The following MARK2 variants were observed in gnomAD, a reference collection of about 807,000 sequenced individuals.
The protein encoded by MARK2 is microtubule affinity regulating kinase 2.
In MARK2, 16 loss-of-function variants were observed where a neutral mutation model predicts 89.8. The observed-to-expected ratio is 0.18, with a 90% CI of 0.12 to 0.27. MARK2 has a LOEUF of 0.27. Among genes scored for constraint, MARK2 ranks in the 10% least tolerant of loss-of-function variants. The pLI is 1.00. For synonymous variants in MARK2, 382 were observed against 399.5 expected (o/e 0.96, Z 0.52); for missense variants, 621 against 1,049.9 (o/e 0.59, Z 5.65).
chr11:63,895,266 G>C lies in MARK2; in HGVS notation c.162G>C (p.Arg54=). 4 of 1,614,120 alleles carry C rather than the reference G, an allele frequency of 2.5e-6. No individual in the cohort carries two copies. Among genetic ancestry groups the C allele is most frequent in the Middle Eastern group, 1.6e-4 (1 of 6,062 alleles). The change falls in exon 2 of 19, where the codon CGG becomes CGC. Residue 54 remains arginine, a synonymous_variant. Coordinates refer to ENST00000402010, the MANE Select transcript of MARK2 (RefSeq NM_001039469.3). The stretch of plus-strand genomic sequence containing the variant: ...AGCAGCCCCACATTGGAAACTACCG[G>C]CTCCTCAAGACCATTGGCAAGGGTA... ...ADEQPHIGNY[R]LLKTIGKGNF... is the part of the protein sequence containing the mutation.
chr11:63,868,938 C>G (rs781425136), intron 1 of MARK2: 17 of 453,920 alleles, frequency 3.7e-5, no homozygotes, highest in South Asian at 2.6e-4. Flanking sequence ...CTTTGAGCAT[C>G]TCAGAGCAGA....
At chr11:63,888,781 C>T in intron 1 of MARK2, 20 of 1,247,292 alleles carry the variant, frequency 1.6e-5, no homozygotes, top group Non-Finnish European at 2.0e-5. Context: ...CTACTTTTCA[C>T]TGAGGAGGTG....
chr11:63,902,076 T>TG lies in MARK2; in HGVS notation c.1102-121dup. ...GGGATGTATTGGTCTTACAAGTGGA[T>TG]GTCCGGTATGATCCTGGGGTGTTTG... On this transcript the variant is annotated intron_variant, in intron 11 of 18. Transcript: ENST00000402010. The surrounding 1 kb of genome is among the most constrained non-coding windows in gnomAD (Gnocchi z 4.2). 9.7e-7 allele frequency: 1 copy of TG among 1,034,900 alleles called. No homozygotes were observed. The highest frequency in any genetic ancestry group is 1.4e-6 in the Non-Finnish European group (1 of 710,018). The allele number at this position is 1,034,900 out of a possible 1,614,324, so 64.1% of individuals were successfully genotyped here.
intron 1 of MARK2, among the ~76,000 whole-genome samples, chr11:63,853,760 C>T (rs189050420): frequency 0.014 from 2,176 of 152,300 alleles, 29 homozygotes; most frequent in Middle Eastern, 0.031. Flanking sequence ...TTTCCCACCA[C>T]AAACTTGTGG....
At position 63,902,960 on chromosome 11, in the gene MARK2, G is replaced by A; in HGVS notation, c.1417-101G>A. ...CCTTAACCTACCACTGTCTGCTTCA[G>A]GTGGAAGGGACAGGAAGCCTGTTCC... On this transcript the variant is annotated intron_variant, in intron 13 of 18. Transcript: ENST00000402010. This position sits in a 1 kb window ranked among gnomAD's most constrained non-coding sequence, Gnocchi z 4.2. The A allele has an allele frequency of 8.7e-7, 1 of 1,151,826 alleles. No homozygotes were observed. Among genetic ancestry groups the A allele is most frequent in the Non-Finnish European group, 1.3e-6 (1 of 768,208 alleles). The allele number at this position is 1,151,826 out of a possible 1,614,324, so 71.4% of individuals were successfully genotyped here. A position where few individuals can be genotyped will look rare whatever the true frequency, so the allele number is the denominator to read the frequency against.
rs2135179394 is a variant in MARK2 at position 63,839,376 on chromosome 11, C to G, written c.-131C>G. 3.4e-6 allele frequency: 2 copies of G among 580,306 alleles called. No individual in the cohort carries two copies. Among genetic ancestry groups the G allele is most frequent in the African/African-American group, 2.0e-5 (1 of 49,932 alleles). The allele number at this position is 580,306 out of a possible 1,614,324, so 35.9% of individuals were successfully genotyped here. ...CTGGCGTGAGCGGCTGCCCGGCCTC[C>G]CCGCACCCCCGGCCGGGGCCCATGC... On this transcript the variant is annotated 5_prime_UTR_variant, in exon 1 of 19. Coordinates refer to ENST00000402010, the MANE Select transcript of MARK2 (RefSeq NM_001039469.3).
At chr11:63,885,714 A>G (rs1939353963) in intron 1 of MARK2, among the ~76,000 whole-genome samples, 1 of 151,994 alleles carries the variant, frequency 6.6e-6, no homozygotes, top group Non-Finnish European at 1.5e-5. Flanking sequence ...CGCACCTGTA[A>G]TCCCAGCTAT....
chr11:63,865,620 A>G (rs1938087578), intron 1 of MARK2, among the ~76,000 whole-genome samples: 1 of 152,208 alleles, frequency 6.6e-6, no homozygotes, highest in Non-Finnish European at 1.5e-5. Flanking sequence ...ATAATGGGTT[A>G]GGTCCATAGG....
intron 1 of MARK2, among the ~76,000 whole-genome samples, chr11:63,882,928 G>A (rs1939182865): frequency 6.6e-6 from 1 of 152,198 alleles, no homozygotes; most frequent in Non-Finnish European, 1.5e-5. Context: ...TCTGTAAAGT[G>A]AGCCAGACCT....
intron 7 of MARK2, 36 bp from the exon 8 acceptor site, chr11:63,899,838 A>C (rs752177202): frequency 1.4e-6 from 2 of 1,434,328 alleles, no homozygotes; most frequent in Admixed American, 3.3e-5. Context: ...AGTCTGGTCC[A>C]CTTGGTTCCC....
At position 63,900,423 on chromosome 11, in the gene MARK2, C is replaced by T; in HGVS notation, c.769-136C>T. The stretch of plus-strand genomic sequence containing the variant: ...TTGCCTCTCTGGTGAGGTGTCTTGT[C>T]CCCAGGCTGTCTGCCTTCTTCCATA... On this transcript the variant is annotated intron_variant, in intron 8 of 18. Transcript: ENST00000402010. The surrounding 1 kb of genome is among the most constrained non-coding windows in gnomAD (Gnocchi z 4.7). 1 of 1,073,846 alleles carries T rather than the reference C, an allele frequency of 9.3e-7. No homozygotes were observed. Among genetic ancestry groups the T allele is most frequent in the Non-Finnish European group, 1.4e-6 (1 of 733,602 alleles). 66.5% of individuals were successfully genotyped at this position (1,073,846 alleles called of 1,614,324 possible). A position where few individuals can be genotyped will look rare whatever the true frequency, so the allele number is the denominator to read the frequency against.
At chr11:63,883,303 A>G (rs1939208907) in intron 1 of MARK2, among the ~76,000 whole-genome samples, 1 of 152,128 alleles carries the variant, frequency 6.6e-6, no homozygotes, top group South Asian at 2.1e-4. Context: ...GGATGGTTTT[A>G]TGTTAGGAAA....
In MARK2 at chr11:63,895,560, C is replaced by A; in HGVS notation, c.235-20C>A. The stretch of plus-strand genomic sequence containing the variant: ...CGCTGGTCAGAGAAGTGATTTGGGG[C>A]CTTTTTGTCTCATCCTCAGGTAGCT... On this transcript the variant is annotated intron_variant, in intron 2 of 18. Transcript: ENST00000402010. The A allele has an allele frequency of 6.2e-7, 1 of 1,611,102 alleles. No homozygotes were observed. The highest frequency in any genetic ancestry group is 8.5e-7 in the Non-Finnish European group (1 of 1,177,700).
intron 1 of MARK2, among the ~76,000 whole-genome samples, chr11:63,887,519 A>G (rs1939474603): frequency 6.6e-6 from 1 of 152,226 alleles, no homozygotes; most frequent in Non-Finnish European, 1.5e-5. Context: ...CCTGAGTAGC[A>G]TGGTCTTGCA....
intron 1 of MARK2, among the ~76,000 whole-genome samples, chr11:63,867,636 G>C (rs994847564): frequency 2.0e-5 from 3 of 152,174 alleles, no homozygotes; most frequent in Admixed American, 2.0e-4. Flanking sequence ...TTTGTGTACT[G>C]GGCCTGTCTC....
At position 63,895,172 on chromosome 11, in the gene MARK2, A is replaced by G. The variant is rs1246150634; in HGVS notation, c.68A>G (p.His23Arg). 5 of 1,613,064 alleles carry G rather than the reference A, an allele frequency of 3.1e-6. No homozygotes were observed. Among genetic ancestry groups the G allele is most frequent in the Non-Finnish European group, 4.2e-6 (5 of 1,179,256 alleles). Residue 23 changes from histidine (H) to arginine (R), a missense_variant, in exon 2 of 19, where the codon CAC becomes CGC. This residue lies in a region of MARK2 where 60 missense variants were observed against 73.2 expected (regional missense o/e 0.82). Coordinates refer to ENST00000402010, the MANE Select transcript of MARK2 (RefSeq NM_001039469.3). ...TCCACCCCGCAGCCCACCTTGGGACACCTTGACTCCAAGCCCAGCAGTAAG... is the reference window on the plus strand; with the variant it reads ...TCCACCCCGCAGCCCACCTTGGGACGCCTTGACTCCAAGCCCAGCAGTAAG... Reference protein sequence around the residue: ...ERDTEQPTLGHLDSKPSSKSN... With the variant: ...ERDTEQPTLGRLDSKPSSKSN...
At chr11:63,850,424 C>T (rs1309920459) in intron 1 of MARK2, among the ~76,000 whole-genome samples, 1 of 150,426 alleles carries the variant, frequency 6.6e-6, no homozygotes, top group Non-Finnish European at 1.5e-5. Flanking sequence ...ACCTCGGCCT[C>T]CCAAAGTGCT....
intron 1 of MARK2, among the ~76,000 whole-genome samples, chr11:63,866,206 G>C (rs1938119302): frequency 6.6e-6 from 1 of 152,070 alleles, no homozygotes; most frequent in Admixed American, 6.6e-5. Context: ...ACCAAAATTA[G>C]CCAGGCGTGG....
intron 1 of MARK2, among the ~76,000 whole-genome samples, chr11:63,894,564 C>T (rs1162247944): frequency 1.3e-5 from 2 of 152,098 alleles, no homozygotes; most frequent in African/African-American, 2.4e-5. Context: ...GGCGTGGTGG[C>T]GCATGACTGT....
Sources: allele counts gnomAD v4.1 joint callset (sites outside exome capture counted in the v4.1 genomes callset), GRCh38; gene constraint gnomAD v4.1.1; regional missense constraint gnomAD v4.1.1; non-coding constraint Gnocchi (gnomAD v3.1); transcripts MANE v1.5; gene names NCBI Gene and HGNC (gene_info 2026-07-23, HGNC 2026-07-21).